Variants in LEMD1 observed in about 807,000 individuals in gnomAD.
LEMD1 encodes LEM domain-containing protein 1.
Under a neutral mutation model 17.4 loss-of-function variants are expected in LEMD1, and 18 were observed. The ratio of observed to expected loss-of-function variants is 1.04; its 90% CI spans 0.72 to 1.54. LEMD1 has a LOEUF of 1.54. LEMD1 is among the 40% of genes most tolerant of loss of function. The probability of loss-of-function intolerance (pLI) is 0.00; values close to 1 mark genes in which losing one functional copy is unlikely to be tolerated. For missense variants in LEMD1, 195 were observed against 210.4 expected (o/e 0.93, Z 0.45); for synonymous variants, 88 against 77.8 (o/e 1.13, Z -0.69).
At chr1:205,396,724 A>G (rs1465375254) in intron 4 of LEMD1, among the ~76,000 whole-genome samples, 2 of 152,212 alleles carry the variant, frequency 1.3e-5, no homozygotes, top group African/African-American at 4.8e-5. Flanking sequence ...GAAATACAAA[A>G]TCATGAAAAA....
chr1:205,404,304 T>C lies in LEMD1; in HGVS notation c.270+11928A>G, dbSNP rs535746177. Among the ~76,000 whole-genome samples, 692 of 152,218 alleles carry C rather than the reference T, an allele frequency of 4.5e-3. 3 individuals are homozygous for C. Among genetic ancestry groups the C allele is most frequent in the African/African-American group, 0.016 (649 of 41,540 alleles). On this transcript the variant is annotated intron_variant, in intron 4 of 5. Transcript: ENST00000367153. Reference sequence around the variant, plus strand: ...TCTGTCTAATGTTGACAGTGGGGTGTTAAAGTCTCCCATTATTATTGTGTG... The same window carrying C: ...TCTGTCTAATGTTGACAGTGGGGTGCTAAAGTCTCCCATTATTATTGTGTG...
At chr1:205,439,355 G>A (rs1348051283) in intron 1 of LEMD1, among the ~76,000 whole-genome samples, 1 of 152,208 alleles carries the variant, frequency 6.6e-6, no homozygotes, top group Non-Finnish European at 1.5e-5. Flanking sequence ...AAAGGAAGGG[G>A]TTGGAGGATG....
intron 1 of LEMD1, among the ~76,000 whole-genome samples, chr1:205,449,693 T>C (rs1444167635): frequency 6.6e-6 from 1 of 152,078 alleles, no homozygotes; most frequent in African/African-American, 2.4e-5. Flanking sequence ...CACCTGAACT[T>C]TGGGCCATCT....
rs1360256618 is a variant in LEMD1 at position 205,418,992 on chromosome 1, C to G, written c.205+238G>C. 2.0e-5 allele frequency among the ~76,000 whole-genome samples: 3 copies of G among 152,198 alleles called. No individual in the cohort carries two copies. In the East Asian group the frequency reaches 5.8e-4, roughly 29 times the overall value. ...GCTCTAGTTAGTAAAAGGACATGCA[C>G]GTTGAGCAGTCATTCCCCCAACTTT... On this transcript the variant is annotated intron_variant, in intron 3 of 5. Coordinates refer to ENST00000367153, the MANE Select transcript of LEMD1 (RefSeq NM_001199050.2).
At chr1:205,399,657 G>A (rs1192905419) in intron 4 of LEMD1, among the ~76,000 whole-genome samples, 1 of 152,222 alleles carries the variant, frequency 6.6e-6, no homozygotes. Context: ...TAATGATGAG[G>A]ACATGTCAAA....
chr1:205,408,720 G>C (rs941770427), intron 4 of LEMD1, among the ~76,000 whole-genome samples: 3 of 151,634 alleles, frequency 2.0e-5, no homozygotes, highest in African/African-American at 7.3e-5. Context: ...GGCTAGTCTC[G>C]AACTCCTGGG....
intron 4 of LEMD1, among the ~76,000 whole-genome samples, chr1:205,410,650 C>G (rs768910688): frequency 4.6e-5 from 7 of 152,116 alleles, no homozygotes; most frequent in Non-Finnish European, 1.0e-4. Context: ...TGGGTTTTCA[C>G]CTTCAACATT....
chr1:205,418,554 C>G (rs1453855582), intron 3 of LEMD1, among the ~76,000 whole-genome samples: 3 of 152,132 alleles, frequency 2.0e-5, no homozygotes, highest in Admixed American at 2.0e-4. Flanking sequence ...CTCGCTCTGT[C>G]CACTGGGCTG....
intron 4 of LEMD1, among the ~76,000 whole-genome samples, chr1:205,387,849 CTG>C (rs1265168441): frequency 5.9e-5 from 9 of 152,366 alleles, no homozygotes; most frequent in Admixed American, 3.9e-4. Flanking sequence ...ATACAACAAA[CTG>C]TGACTGTCTC....
At chr1:205,439,364 TG>T (rs1666257050) in intron 1 of LEMD1, among the ~76,000 whole-genome samples, 1 of 152,130 alleles carries the variant, frequency 6.6e-6, no homozygotes, top group Admixed American at 6.5e-5. Flanking sequence ...GGTTGGAGGA[TG>T]GGAGGAGGAA....
chr1:205,446,229 G>A (rs1666386002), intron 1 of LEMD1, among the ~76,000 whole-genome samples: 1 of 152,192 alleles, frequency 6.6e-6, no homozygotes, highest in Admixed American at 6.5e-5. Context: ...ATTGGCAGTA[G>A]CCAAGAGACA....
chr1:205,396,859 G>C (rs923205165), intron 4 of LEMD1, among the ~76,000 whole-genome samples: 7 of 152,218 alleles, frequency 4.6e-5, no homozygotes, highest in African/African-American at 1.7e-4. Flanking sequence ...GGCTTCAGCT[G>C]ATTCAGCAAT....
intron 1 of LEMD1, among the ~76,000 whole-genome samples, chr1:205,440,313 C>T (rs1003518686): frequency 6.6e-5 from 10 of 152,306 alleles, no homozygotes; most frequent in Admixed American, 1.3e-4. Flanking sequence ...GAGGGAGCCA[C>T]GGAGCCACTG....
chr1:205,381,570 C>T lies in LEMD1; in HGVS notation c.*88G>A. The stretch of plus-strand genomic sequence containing the variant: ...GAAGGCTCCCTGCAAGGGAGGGCTG[C>T]AGGCTAGGCTGGCCCTTCAGGGTAG... On this transcript the variant is annotated 3_prime_UTR_variant, in exon 6 of 6. Transcript: ENST00000367153. The T allele has an allele frequency of 7.9e-7, 1 of 1,260,368 alleles. No homozygotes were observed. 78.1% of individuals were successfully genotyped at this position (1,260,368 alleles called of 1,614,324 possible). A position where few individuals can be genotyped will look rare whatever the true frequency, so the allele number is the denominator to read the frequency against.
At chr1:205,443,153 T>G (rs1367879518) in intron 1 of LEMD1, among the ~76,000 whole-genome samples, 2 of 152,116 alleles carry the variant, frequency 1.3e-5, no homozygotes, top group Non-Finnish European at 2.9e-5. Flanking sequence ...GTCCCATGAT[T>G]ATTGAAAAAT....
intron 4 of LEMD1, among the ~76,000 whole-genome samples, chr1:205,413,994 G>C (rs532736052): frequency 3.3e-5 from 5 of 152,206 alleles, no homozygotes; most frequent in East Asian, 1.9e-4. Flanking sequence ...AATGTGGTAG[G>C]GGGTGAGAAG....
chr1:205,402,073 G>C (rs1183921167), intron 4 of LEMD1, among the ~76,000 whole-genome samples: 1 of 152,048 alleles, frequency 6.6e-6, no homozygotes, highest in African/African-American at 2.4e-5. Context: ...TCTCTGTTTT[G>C]GTACCAGTAT....
intron 1 of LEMD1, chr1:205,435,107 G>C (rs1666183476): frequency 6.6e-6 from 1 of 152,176 alleles, no homozygotes. Flanking sequence ...CTCAGTGCAG[G>C]AGTTTAGCAT....
At chr1:205,385,188 C>G (rs1663932251) in intron 4 of LEMD1, 1 of 152,074 alleles carries the variant, frequency 6.6e-6, no homozygotes, top group African/African-American at 2.4e-5. Flanking sequence ...CCCTAATATA[C>G]ACATTTTGTA....
Sources: gnomAD v4.1 joint callset for allele counts (sites outside exome capture counted in the v4.1 genomes callset) on GRCh38, gnomAD v4.1.1 for gene constraint, MANE v1.5 for transcripts, NCBI Gene and HGNC (gene_info 2026-07-23, HGNC 2026-07-21) for gene names.